Variants in CSMD1 observed in about 807,000 individuals in gnomAD.
CSMD1 encodes CUB and sushi domain-containing protein 1.
In CSMD1, 213 loss-of-function variants were observed where a neutral mutation model predicts 417.5. That is an observed-to-expected ratio of 0.51 (90% CI 0.46 to 0.57). CSMD1 has a LOEUF of 0.57. Ranked by LOEUF, CSMD1 falls within the 20% of genes least tolerant of loss-of-function variation. The pLI is 0.00. For missense variants in CSMD1, 6,923 were observed against 4,529.7 expected, an observed-to-expected ratio of 1.53 and a Z score of -15.17; for synonymous variants, 2,862 against 1,736.8, an observed-to-expected ratio of 1.65 and a Z score of -16.11.
chr8:4,571,548 T>C (rs1216111887), intron 2 of CSMD1, among the ~76,000 whole-genome samples: 1 of 152,062 alleles, frequency 6.6e-6, no homozygotes, highest in African/African-American at 2.4e-5. Context: ...TGCTGAGGAG[T>C]GTTTTATTTC....
At chr8:4,718,784 A>G (rs574825793) in intron 1 of CSMD1, among the ~76,000 whole-genome samples, 1 of 152,190 alleles carries the variant, frequency 6.6e-6, no homozygotes, top group African/African-American at 2.4e-5. Context: ...AAGCAATAGA[A>G]ACTTAAAATA....
intron 1 of CSMD1, among the ~76,000 whole-genome samples, chr8:4,973,884 C>A (rs1299042031): frequency 6.6e-6 from 1 of 152,148 alleles, no homozygotes; most frequent in African/African-American, 2.4e-5. Flanking sequence ...ACAATCACAC[C>A]TGGCTGAAAA....
chr8:4,866,142 A>C (rs1802408174), intron 1 of CSMD1, among the ~76,000 whole-genome samples: 1 of 151,984 alleles, frequency 6.6e-6, no homozygotes, highest in South Asian at 2.1e-4. Flanking sequence ...ATGTCATCCT[A>C]TGCTGCAAAG....
chr8:3,779,257 G>A (rs1200955315), intron 5 of CSMD1, among the ~76,000 whole-genome samples: 5 of 151,830 alleles, frequency 3.3e-5, no homozygotes, highest in African/African-American at 9.7e-5. Flanking sequence ...ACTAGCAAGG[G>A]TATTATCTGT....
intron 69 of CSMD1, among the ~76,000 whole-genome samples, chr8:2,940,744 A>G (rs1236385335): frequency 6.6e-6 from 1 of 152,236 alleles, no homozygotes; most frequent in Non-Finnish European, 1.5e-5. Flanking sequence ...TTTAAAGGAC[A>G]AGACAATCCC....
intron 1 of CSMD1, among the ~76,000 whole-genome samples, chr8:4,766,846 T>G (rs1179764692): frequency 1.3e-5 from 2 of 152,242 alleles, no homozygotes; most frequent in African/African-American, 4.8e-5. Flanking sequence ...TTATGATTTC[T>G]CATATGTATA....
intron 3 of CSMD1, among the ~76,000 whole-genome samples, chr8:4,134,919 T>C (rs536315003): frequency 3.6e-4 from 55 of 152,204 alleles, no homozygotes; most frequent in Non-Finnish European, 5.9e-4. Flanking sequence ...TAGTTTTTGC[T>C]AAACTCTTCA....
Position 3,586,183 on chromosome 8 carries a change from A to T in CSMD1, c.1175T>A (p.Val392Asp). The T allele has an allele frequency of 1.2e-6, 2 of 1,612,518 alleles. No individual in the cohort carries two copies. The highest frequency in any genetic ancestry group is 1.7e-6 in the Non-Finnish European group (2 of 1,179,388). The change falls in exon 9 of 70, where the codon GTT (valine) becomes GAT (aspartate). Residue 392 changes from valine (V) to aspartate (D), a missense_variant. By Grantham distance (152) the Val-to-Asp change is radical. Transcript: ENST00000635120. The stretch of plus-strand genomic sequence containing the variant: ...ACTCCAAGCAGCGAGCGTCTCTGTA[A>T]CTCTCTGACAGGTGATGCTTTTAGA... The part of the protein sequence containing the change: ...QGSKSITCQR[V>D]TETLAAWSDH...
At chr8:3,124,742 T>C (rs1204610911) in intron 41 of CSMD1, among the ~76,000 whole-genome samples, 2 of 152,204 alleles carry the variant, frequency 1.3e-5, no homozygotes, top group African/African-American at 4.8e-5. Context: ...ACACATTTTA[T>C]AAGTGGACAC....
intron 1 of CSMD1, among the ~76,000 whole-genome samples, chr8:4,737,885 G>A (rs1030986884): frequency 6.6e-6 from 1 of 152,160 alleles, no homozygotes; most frequent in Non-Finnish European, 1.5e-5. Context: ...GTTAATCCCA[G>A]ATAATAAGGA....
intron 12 of CSMD1, among the ~76,000 whole-genome samples, chr8:3,462,120 AG>A (rs1056826210): frequency 9.6e-5 from 7 of 73,188 alleles, no homozygotes; most frequent in East Asian, 4.0e-4. Context: ...TTCAGAATCC[AG>A]GCCCCCCCCC....
intron 5 of CSMD1, among the ~76,000 whole-genome samples, chr8:3,853,144 C>G (rs1192927325): frequency 1.3e-5 from 2 of 152,114 alleles, no homozygotes; most frequent in African/African-American, 4.8e-5. Flanking sequence ...GCTGAGCCCG[C>G]GTCCCTTGGC....
chr8:4,987,338 T>A (rs374961462), intron 1 of CSMD1, among the ~76,000 whole-genome samples: 4 of 152,320 alleles, frequency 2.6e-5, no homozygotes, highest in Middle Eastern at 3.4e-3. Flanking sequence ...TTGACAGCTA[T>A]AATGATAACG....
intron 1 of CSMD1, among the ~76,000 whole-genome samples, chr8:4,917,705 G>C (rs980004403): frequency 6.6e-6 from 1 of 152,060 alleles, no homozygotes; most frequent in Non-Finnish European, 1.5e-5. Flanking sequence ...GAGACAAACC[G>C]TATCAGTGGG....
chr8:3,621,571 T>C (rs1796243808), intron 7 of CSMD1, among the ~76,000 whole-genome samples: 1 of 152,012 alleles, frequency 6.6e-6, no homozygotes, highest in African/African-American at 2.4e-5. Context: ...CAGAAATGCA[T>C]GGTTTTTACT....
intron 39 of CSMD1, among the ~76,000 whole-genome samples, chr8:3,154,874 T>C (rs1176948223): frequency 1.3e-5 from 2 of 152,198 alleles, no homozygotes; most frequent in Admixed American, 6.6e-5. Context: ...TATCTCTCTA[T>C]GGACTTCTCC....
intron 1 of CSMD1, among the ~76,000 whole-genome samples, chr8:4,939,950 A>T (rs1057218253): frequency 6.6e-6 from 1 of 152,220 alleles, no homozygotes. Flanking sequence ...ATATAAATTT[A>T]AAAAAAGATT....
chr8:4,836,103 T>A (rs1415863136), intron 1 of CSMD1, among the ~76,000 whole-genome samples: 3 of 152,150 alleles, frequency 2.0e-5, no homozygotes, highest in Non-Finnish European at 2.9e-5. Flanking sequence ...AAAGATCAAC[T>A]GTCAGAGCTT....
intron 5 of CSMD1, among the ~76,000 whole-genome samples, chr8:3,882,019 T>C (rs1806238430): frequency 6.6e-6 from 1 of 152,178 alleles, no homozygotes. Context: ...TGTCTGATGA[T>C]GCAACTATTT....
Sources: allele counts gnomAD v4.1 joint callset (sites outside exome capture counted in the v4.1 genomes callset), GRCh38; gene constraint gnomAD v4.1.1; transcripts MANE v1.5; gene names NCBI Gene and HGNC (gene_info 2026-07-23, HGNC 2026-07-21).